The following RGL1 variants were observed in gnomAD, a reference collection of about 807,000 sequenced individuals.
RGL1 encodes ral guanine nucleotide dissociation stimulator like 1, also known as ral guanine nucleotide dissociation stimulator-like 1.
RGL1 carries 24 observed loss-of-function variants against 95.2 expected under a neutral mutation model. The observed-to-expected ratio is 0.25, with a 90% CI of 0.18 to 0.35. RGL1 has a LOEUF of 0.35. RGL1 is among the 10% of genes least tolerant of loss of function. RGL1 has a pLI of 1.00. For synonymous variants in RGL1, 329 were observed against 344.9 expected, an observed-to-expected ratio of 0.95 and a Z score of 0.51; for missense variants, 715 against 936.3, an observed-to-expected ratio of 0.76 and a Z score of 3.08.
chr1:183,880,378 C>CA (rs199611223), intron 4 of RGL1, among the ~76,000 whole-genome samples: 1 of 48,542 alleles, frequency 2.1e-5, no homozygotes, highest in African/African-American at 7.5e-5. Context: ...AACAAACAAA[C>CA]AACAACAACA....
intron 1 of RGL1, among the ~76,000 whole-genome samples, chr1:183,686,180 G>T (rs1165698097): frequency 2.0e-5 from 3 of 151,920 alleles, no homozygotes; most frequent in South Asian, 2.1e-4. Flanking sequence ...TTATTTTATT[G>T]CCCTTTTGTG....
Position 183,907,044 on chromosome 1 carries a change from C to A in RGL1, c.1505C>A (p.Ala502Asp). ...CTGTCATGTGAGATTGAAGCAGCTG[C>A]TGACGCCAGCACCACCTCGCCCAAG... ...YALSCEIEAA[A>D]DASTTSPKPR... The change falls in exon 14 of 18, where the codon GCT becomes GAT. Residue 502 changes from alanine (A) to aspartate (D), a missense_variant. Physicochemically the swap from Ala to Asp is moderately radical, Grantham distance 126 (BLOSUM62 -2). Coordinates refer to ENST00000360851, the MANE Select transcript of RGL1 (RefSeq NM_001297671.3). 6.2e-7 allele frequency: 1 copy of A among 1,612,328 alleles called. No homozygotes were observed. Among genetic ancestry groups the A allele is most frequent in the Non-Finnish European group, 8.5e-7 (1 of 1,178,786 alleles).
chr1:183,705,672 A>G (rs1296491166), intron 1 of RGL1, among the ~76,000 whole-genome samples: 2 of 152,184 alleles, frequency 1.3e-5, no homozygotes, highest in Non-Finnish European at 2.9e-5. Context: ...AGAACAGAAA[A>G]ACAGGTGGTG....
At chr1:183,821,598 G>A (rs765331153) in intron 2 of RGL1, among the ~76,000 whole-genome samples, 5 of 152,084 alleles carry the variant, frequency 3.3e-5, no homozygotes, top group Non-Finnish European at 7.3e-5. Context: ...GTTGGTAAAA[G>A]CTATTCTGGG....
intron 1 of RGL1, among the ~76,000 whole-genome samples, chr1:183,662,546 T>C (rs1169382641): frequency 6.6e-6 from 1 of 152,024 alleles, no homozygotes; most frequent in African/African-American, 2.4e-5. Context: ...AAACCACTGC[T>C]CACTGAAATA....
chr1:183,637,860 T>C (rs1649656854), intron 1 of RGL1, among the ~76,000 whole-genome samples: 1 of 152,172 alleles, frequency 6.6e-6, no homozygotes, highest in African/African-American at 2.4e-5. Flanking sequence ...ATAAAATCAT[T>C]ACTATGGTGA....
At chr1:183,889,486 A>G (rs992162076) in intron 8 of RGL1, among the ~76,000 whole-genome samples, 1 of 152,212 alleles carries the variant, frequency 6.6e-6, no homozygotes, top group Non-Finnish European at 1.5e-5. Flanking sequence ...TTAGTGGGGC[A>G]GAATGGAAGG....
chr1:183,921,773 G>A (rs1669319600), intron 16 of RGL1, among the ~76,000 whole-genome samples: 1 of 152,160 alleles, frequency 6.6e-6, no homozygotes, highest in Non-Finnish European at 1.5e-5. Flanking sequence ...AGGGTCACCT[G>A]TACTTTTTGA....
chr1:183,922,431 C>A, intron 17 of RGL1, 95 bp downstream of exon 17: 1 of 905,016 alleles, frequency 1.1e-6, no homozygotes, highest in Non-Finnish European at 1.8e-6. Context: ...AAAACGGATA[C>A]GTATTGTTTT....
intron 4 of RGL1, among the ~76,000 whole-genome samples, chr1:183,868,508 C>T (rs538226090): frequency 6.6e-6 from 1 of 152,286 alleles, no homozygotes; most frequent in African/African-American, 2.4e-5. Context: ...TCTCAGGCCC[C>T]ACTCAGACCT....
intron 5 of RGL1, among the ~76,000 whole-genome samples, chr1:183,883,038 G>T (rs1040501588): frequency 2.6e-5 from 4 of 152,134 alleles, no homozygotes; most frequent in Non-Finnish European, 5.9e-5. Context: ...AGGAAGGCTG[G>T]GGATTTAAGT....
chr1:183,776,740 G>A (rs190113484), intron 2 of RGL1, among the ~76,000 whole-genome samples: 15 of 152,280 alleles, frequency 9.9e-5, no homozygotes, highest in East Asian at 3.9e-4. Flanking sequence ...GATAGAAGGT[G>A]GGGGACAGAC....
intron 2 of RGL1, among the ~76,000 whole-genome samples, chr1:183,817,202 C>T (rs535163878): frequency 6.6e-6 from 1 of 152,240 alleles, no homozygotes; most frequent in Admixed American, 6.5e-5. Context: ...ATCCCAGAGG[C>T]AAGAATGTTA....
intron 1 of RGL1, among the ~76,000 whole-genome samples, chr1:183,662,160 A>T (rs1442801679): frequency 2.2e-5 from 3 of 134,536 alleles, no homozygotes; most frequent in Middle Eastern, 3.9e-3. Flanking sequence ...CAAGACAGGG[A>T]TGCCCTCTCT....
At chr1:183,756,638 C>T (rs931419397) in intron 2 of RGL1, among the ~76,000 whole-genome samples, 7 of 152,156 alleles carry the variant, frequency 4.6e-5, no homozygotes, top group African/African-American at 9.7e-5. Flanking sequence ...CTTCTCTGTC[C>T]ACACTATGCT....
intron 1 of RGL1, among the ~76,000 whole-genome samples, chr1:183,662,320 T>A (rs1033417019): frequency 6.6e-6 from 1 of 151,490 alleles, no homozygotes; most frequent in Non-Finnish European, 1.5e-5. Flanking sequence ...CCCCATTGTC[T>A]CAGCCCAAAA....
chr1:183,704,880 G>C (rs1654808374), intron 1 of RGL1, among the ~76,000 whole-genome samples: 1 of 152,214 alleles, frequency 6.6e-6, no homozygotes, highest in South Asian at 2.1e-4. Flanking sequence ...CCAATGCTTG[G>C]AGGCAGGCAG....
chr1:183,662,162 G>T (rs1286852884), intron 1 of RGL1, among the ~76,000 whole-genome samples: 2 of 133,082 alleles, frequency 1.5e-5, no homozygotes, highest in Non-Finnish European at 3.3e-5. Context: ...AGACAGGGAT[G>T]CCCTCTCTCA....
At chr1:183,666,897 T>C (rs951229161) in intron 1 of RGL1, among the ~76,000 whole-genome samples, 32 of 152,254 alleles carry the variant, frequency 2.1e-4, no homozygotes, top group Non-Finnish European at 4.3e-4. Flanking sequence ...AGCTATTTCC[T>C]TACTGATTTT....
Sources: gnomAD v4.1 joint callset for allele counts (sites outside exome capture counted in the v4.1 genomes callset) on GRCh38, gnomAD v4.1.1 for gene constraint, MANE v1.5 for transcripts, NCBI Gene and HGNC (gene_info 2026-07-23, HGNC 2026-07-21) for gene names.